Variants in GABRB3 observed in about 807,000 individuals in gnomAD.
GABRB3 encodes gamma-aminobutyric acid receptor subunit beta-3.
GABRB3 carries 14 observed loss-of-function variants against 52.1 expected under a neutral mutation model. The observed-to-expected ratio is 0.27, with a 90% CI of 0.18 to 0.42. The LOEUF is 0.42. GABRB3 is among the 10% of genes least tolerant of loss of function. The pLI, the probability that GABRB3 is intolerant of heterozygous loss-of-function variation, is 1.00. For missense variants in GABRB3, 307 were observed against 609.1 expected (o/e 0.50, Z 5.22); for synonymous variants, 260 against 232.3 (o/e 1.12, Z -1.08).
intron 8 of GABRB3, among the ~76,000 whole-genome samples, chr15:26,549,367 G>T (rs1332377047): frequency 1.3e-5 from 2 of 152,100 alleles, no homozygotes; most frequent in African/African-American, 4.8e-5. Context: ...AGGGGGCTGT[G>T]ACACAGGAAG....
intron 3 of GABRB3, among the ~76,000 whole-genome samples, chr15:26,636,801 T>C (rs1893073190): frequency 6.6e-6 from 1 of 152,228 alleles, no homozygotes; most frequent in South Asian, 2.1e-4. Flanking sequence ...TTTTCACTCA[T>C]CTCTTCTCTC....
chr15:26,695,502 C>T (rs1228668418), intron 3 of GABRB3, among the ~76,000 whole-genome samples: 1 of 147,634 alleles, frequency 6.8e-6, no homozygotes, highest in African/African-American at 2.5e-5. Context: ...CAAAATTATC[C>T]CTGCAATGCA....
At chr15:26,565,465 G>A (rs981523346) in intron 7 of GABRB3, among the ~76,000 whole-genome samples, 7 of 152,202 alleles carry the variant, frequency 4.6e-5, no homozygotes, top group African/African-American at 1.7e-4. Context: ...TTGCCTCCCA[G>A]AGCACAAGCG....
At chr15:26,558,821 A>G (rs1889860049) in intron 8 of GABRB3, among the ~76,000 whole-genome samples, 1 of 151,696 alleles carries the variant, frequency 6.6e-6, no homozygotes, top group Non-Finnish European at 1.5e-5. Context: ...CTGGGCAACA[A>G]GAGCGAAACT....
At chr15:26,670,194 AGCGGG>A (rs779171614) in intron 3 of GABRB3, among the ~76,000 whole-genome samples, 1 of 152,198 alleles carries the variant, frequency 6.6e-6, no homozygotes, top group Non-Finnish European at 1.5e-5. Context: ...CCAGCGGGTA[AGCGGG>A]GCGGGGCGGC....
rs1276995529 is a variant in GABRB3, at chr15:26,554,182, A to G, written c.1081-6048T>C. Among the ~76,000 whole-genome samples, 94 of 28,644 alleles carry G rather than the reference A, an allele frequency of 3.3e-3. 15 individuals are homozygous for G. The highest frequency in any genetic ancestry group is 0.016 in the African/African-American group (88 of 5,566). The allele number at this position is 28,644 out of a possible 152,430, so 18.8% of individuals were successfully genotyped here. On this transcript the variant is annotated intron_variant, in intron 8 of 8. Transcript: ENST00000311550. The stretch of plus-strand genomic sequence containing the variant: ...TAAAGTATATATATATAAAGTATAT[A>G]TATATATACTATATATATATATATA...
chr15:26,738,060 G>GT lies in GABRB3; in HGVS notation c.240+34341dup, dbSNP rs200515066. Among the ~76,000 whole-genome samples the GT allele has an allele frequency of 8.6e-3, 1,302 of 151,592 alleles. 18 individuals carry two copies. The highest frequency in any genetic ancestry group is 0.027 in the African/African-American group (1,115 of 41,286). On this transcript the variant is annotated intron_variant, in intron 3 of 8. Coordinates refer to ENST00000311550, the MANE Select transcript of GABRB3 (RefSeq NM_000814.6). ...TTGAAGAGTCTTCGGCTTATGTTTT[G>GT]TTTTTTTTGTTGTCGTTGTTCTTCT...
At chr15:26,744,618 G>T (rs1337916725) in intron 3 of GABRB3, among the ~76,000 whole-genome samples, 3 of 152,146 alleles carry the variant, frequency 2.0e-5, no homozygotes, top group Non-Finnish European at 4.4e-5. Context: ...TAGAGACGAG[G>T]TTTCACCATG....
At chr15:26,749,124 G>A (rs1283764243) in intron 3 of GABRB3, among the ~76,000 whole-genome samples, 1 of 152,018 alleles carries the variant, frequency 6.6e-6, no homozygotes, top group Non-Finnish European at 1.5e-5. Context: ...TTAAATTTGA[G>A]AGTTTTTTTT....
intron 3 of GABRB3, among the ~76,000 whole-genome samples, chr15:26,713,742 T>C (rs1277186650): frequency 2.0e-5 from 3 of 152,194 alleles, no homozygotes; most frequent in Admixed American, 1.3e-4. Context: ...ATCTGGGCAC[T>C]GGTTGCATGA....
At chr15:26,579,417 T>C (rs141521881) in intron 6 of GABRB3, among the ~76,000 whole-genome samples, 1,945 of 152,224 alleles carry the variant, frequency 0.013, 28 homozygotes, top group Middle Eastern at 0.024. Flanking sequence ...AGCCTAAGAA[T>C]GAGTCGGAGC....
chr15:26,596,758 T>C (rs1288988383), intron 4 of GABRB3, among the ~76,000 whole-genome samples: 2 of 152,182 alleles, frequency 1.3e-5, no homozygotes, highest in African/African-American at 4.8e-5. Flanking sequence ...ATGGTATATA[T>C]CACAGATAAA....
chr15:26,685,446 G>A (rs915933823), intron 3 of GABRB3, among the ~76,000 whole-genome samples: 5 of 152,130 alleles, frequency 3.3e-5, no homozygotes, highest in African/African-American at 1.2e-4. Flanking sequence ...CAATTTCCAA[G>A]GGAAAAGAGA....
rs1942802290 is a variant in GABRB3 at position 26,545,188 on chromosome 15, ATGTATT to A, written c.*2599_*2604del. ...TTTTTTGTTTTTACAGAATATATGT[ATGTATT>A]TGTGTGTGTGTGTGTGTGTGTGTGT... On this transcript the variant is annotated 3_prime_UTR_variant, in exon 9 of 9. Coordinates refer to ENST00000311550, the MANE Select transcript of GABRB3 (RefSeq NM_000814.6). 7.2e-6 allele frequency: 1 copy of A among 138,268 alleles called. No homozygotes were observed. The highest frequency in any genetic ancestry group is 1.6e-5 in the Non-Finnish European group (1 of 64,462). The allele number at this position is 138,268 out of a possible 1,614,324, so 8.6% of individuals were successfully genotyped here.
chr15:26,684,645 T>C (rs1888344846), intron 3 of GABRB3, among the ~76,000 whole-genome samples: 1 of 152,140 alleles, frequency 6.6e-6, no homozygotes. Flanking sequence ...GGTAGGGTTA[T>C]TAACTGGCCT....
chr15:26,668,593 A>T (rs1887790873), intron 3 of GABRB3, among the ~76,000 whole-genome samples: 1 of 151,800 alleles, frequency 6.6e-6, no homozygotes, highest in Admixed American at 6.6e-5. Flanking sequence ...GTCCCTAAAT[A>T]CTCCCTCTTT....
chr15:26,712,971 G>A (rs1479071270), intron 3 of GABRB3, among the ~76,000 whole-genome samples: 10 of 152,346 alleles, frequency 6.6e-5, no homozygotes, highest in Admixed American at 2.0e-4. Context: ...GCTGCACAGC[G>A]AAGGCAGACG....
At chr15:26,667,107 A>T (rs1293364310) in intron 3 of GABRB3, among the ~76,000 whole-genome samples, 1 of 152,098 alleles carries the variant, frequency 6.6e-6, no homozygotes, top group Non-Finnish European at 1.5e-5. Context: ...CATGAATATC[A>T]CCTCGCTTCG....
chr15:26,623,049 C>A (rs1157983814), intron 3 of GABRB3, among the ~76,000 whole-genome samples: 2 of 152,128 alleles, frequency 1.3e-5, no homozygotes, highest in Non-Finnish European at 2.9e-5. Flanking sequence ...TAGTAATAAC[C>A]TGTGGGGGCC....
Sources: allele counts gnomAD v4.1 joint callset (sites outside exome capture counted in the v4.1 genomes callset), GRCh38; gene constraint gnomAD v4.1.1; transcripts MANE v1.5; gene names NCBI Gene and HGNC (gene_info 2026-07-23, HGNC 2026-07-21).